PXDN: variants seen among roughly 807,000 people sequenced by gnomAD.
The protein encoded by PXDN is peroxidasin homolog.
A neutral mutation model predicts 140.3 loss-of-function variants in PXDN; 77 were observed. That is an observed-to-expected ratio of 0.55 (90% CI 0.46 to 0.66). PXDN has a LOEUF of 0.66. Among genes scored for constraint, PXDN ranks in the 30% least tolerant of loss-of-function variants. The probability of loss-of-function intolerance (pLI) is 0.00; values close to 1 mark genes in which losing one functional copy is unlikely to be tolerated. For missense variants in PXDN, 1,838 were observed against 2,039.5 expected (o/e 0.90, Z 1.90); for synonymous variants, 911 against 857.4 (o/e 1.06, Z -1.09).
In PXDN at chr2:1,644,685, T is replaced by C. The variant is rs760479940; in HGVS notation, c.3676A>G (p.Ser1226Gly). Reference protein sequence around the residue: ...ALVVEDLVPGSRLGPTLMCLL... With the variant: ...ALVVEDLVPGGRLGPTLMCLL... ...CACATCAGGGTGGGGCCCAGCCGGC[T>C]GCCAGGCACCAGGTCCTCCACCACG... Residue 1226 changes from serine to glycine, a missense_variant, in exon 18 of 23, where the codon AGC (serine) becomes GGC (glycine). Ser to Gly is a moderately conservative substitution (Grantham distance 56, BLOSUM62 0). This residue lies in a region of PXDN where 850 missense variants were observed against 894.1 expected (regional missense o/e 0.95). Transcript: ENST00000252804. The C allele has an allele frequency of 1.9e-6, 3 of 1,605,442 alleles. No individual in the cohort carries two copies. The highest frequency in any genetic ancestry group is 2.2e-5 in the South Asian group (2 of 89,904).
At chr2:1,684,760 A>T (rs1684010467) in intron 4 of PXDN, among the ~76,000 whole-genome samples, 1 of 152,162 alleles carries the variant, frequency 6.6e-6, no homozygotes, top group South Asian at 2.1e-4. Context: ...ATTTCTTTCC[A>T]TTTACCATAC....
At chr2:1,686,035 C>G (rs967913312) in intron 4 of PXDN, among the ~76,000 whole-genome samples, 4 of 152,206 alleles carry the variant, frequency 2.6e-5, no homozygotes, top group Non-Finnish European at 5.9e-5. Flanking sequence ...GCATTCCGGT[C>G]TCCCAGTGTC....
intron 12 of PXDN, among the ~76,000 whole-genome samples, chr2:1,662,931 G>A (rs998400812): frequency 3.3e-5 from 5 of 152,180 alleles, no homozygotes; most frequent in African/African-American, 9.7e-5. Context: ...CAGGGTCTGT[G>A]GCAACCTGGA....
chr2:1,682,030 C>T (rs1418419064), intron 6 of PXDN, among the ~76,000 whole-genome samples: 1 of 152,212 alleles, frequency 6.6e-6, no homozygotes, highest in Non-Finnish European at 1.5e-5. Context: ...ACAGCGTGTT[C>T]TCTTGATGCA....
chr2:1,708,738 C>T (rs1224068928), intron 1 of PXDN, among the ~76,000 whole-genome samples: 5 of 152,140 alleles, frequency 3.3e-5, no homozygotes, highest in African/African-American at 4.8e-5. Flanking sequence ...GCACTGGGCA[C>T]GCCCAGTTCA....
At chr2:1,726,660 C>T (rs895116766) in intron 1 of PXDN, among the ~76,000 whole-genome samples, 2 of 152,114 alleles carry the variant, frequency 1.3e-5, no homozygotes, top group Non-Finnish European at 2.9e-5. Flanking sequence ...GTTTGTTTTA[C>T]TGAGCTGTAT....
chr2:1,713,737 C>T (rs556212829), intron 1 of PXDN, among the ~76,000 whole-genome samples: 3 of 152,348 alleles, frequency 2.0e-5, no homozygotes, highest in Admixed American at 1.3e-4. Flanking sequence ...GACTGAGGGG[C>T]GCACCTGAGG....
intron 1 of PXDN, among the ~76,000 whole-genome samples, chr2:1,716,440 G>GGAAA (rs1194737733): frequency 1.7e-5 from 1 of 58,196 alleles, no homozygotes; most frequent in Non-Finnish European, 3.4e-5. Context: ...TCCATCTCAG[G>GGAAA]AAAAAAAAAA....
intron 14 of PXDN, among the ~76,000 whole-genome samples, chr2:1,658,052 C>G (rs1683196627): frequency 7.8e-6 from 1 of 127,852 alleles, no homozygotes; most frequent in Admixed American, 7.8e-5. Flanking sequence ...CTCTCTCTCT[C>G]TCTCTCTCTC....
rs762801227 is a variant in PXDN, at chr2:1,649,400, T to C, written c.2380A>G (p.Met794Val). ...HRLYNGHALP[M>V]PRLVSTTLIG... The stretch of plus-strand genomic sequence containing the variant: ...AGGGTGGTGGACACCAGGCGCGGCA[T>C]GGGAAGGGCGTGCCCGTTGTACAGT... The change falls in exon 17 of 23, where the codon ATG becomes GTG. Residue 794 changes from methionine (M) to valine (V), a missense_variant. Physicochemically the swap from Met to Val is conservative, Grantham distance 21 (BLOSUM62 1). Transcript: ENST00000252804. The surrounding 1 kb of genome is among the most constrained non-coding windows in gnomAD (Gnocchi z 7.1). The C allele has an allele frequency of 5.6e-6, 9 of 1,613,690 alleles. No homozygotes were observed. The African/African-American group carries it at 1.2e-4, about 22-fold the overall frequency.
intron 1 of PXDN, among the ~76,000 whole-genome samples, chr2:1,701,394 C>T (rs977398421): frequency 3.3e-5 from 5 of 152,208 alleles, no homozygotes; most frequent in Admixed American, 1.3e-4. Flanking sequence ...CTGAGCCACT[C>T]GTGCAGGCGG....
chr2:1,639,691 G>C lies in PXDN; in HGVS notation c.3953-269C>G, dbSNP rs1230584404. ...TGGGCACACTGAGGAGGCTCACCACGCCATCTAACCACACCCTCGCGGAGT... is the reference window on the plus strand; with the variant it reads ...TGGGCACACTGAGGAGGCTCACCACCCCATCTAACCACACCCTCGCGGAGT... On this transcript the variant is annotated intron_variant, in intron 19 of 22. Transcript: ENST00000252804. The surrounding 1 kb of genome is among the most constrained non-coding windows in gnomAD (Gnocchi z 5.0). Among the ~76,000 whole-genome samples, 1 of 152,146 alleles carries C rather than the reference G, an allele frequency of 6.6e-6. No individual in the cohort carries two copies. Among genetic ancestry groups the C allele is most frequent in the Non-Finnish European group, 1.5e-5 (1 of 68,018 alleles).
intron 14 of PXDN, among the ~76,000 whole-genome samples, chr2:1,659,586 G>A (rs975418670): frequency 1.3e-5 from 2 of 152,108 alleles, no homozygotes; most frequent in Admixed American, 6.5e-5. Context: ...TTTGGGGGAT[G>A]GAATTACGGG....
At chr2:1,726,478 T>C (rs933625010) in intron 1 of PXDN, among the ~76,000 whole-genome samples, 1 of 151,212 alleles carries the variant, frequency 6.6e-6, no homozygotes, top group Non-Finnish European at 1.5e-5. Context: ...TACCTAATGC[T>C]AAATGACGAG....
intron 14 of PXDN, among the ~76,000 whole-genome samples, chr2:1,657,138 CCTGACTGGGGGGGGACCTGCCTCCTA>C (rs1310993192): frequency 9.4e-5 from 14 of 149,500 alleles, no homozygotes; most frequent in South Asian, 4.3e-4. Context: ...ACTTACCCCT[CCTGACTGGGGGGGGACCTGCCTCCTA>C]CTGACTGGGG....
intron 19 of PXDN, among the ~76,000 whole-genome samples, chr2:1,640,655 CAG>C (rs967616391): frequency 1.3e-5 from 2 of 152,216 alleles, no homozygotes; most frequent in African/African-American, 4.8e-5. Flanking sequence ...CAGAGAAGAG[CAG>C]AGTTTCTTAA....
intron 21 of PXDN, 52 bp downstream of exon 21, chr2:1,638,794 G>A (rs1682638389): frequency 6.2e-7 from 1 of 1,611,632 alleles, no homozygotes; most frequent in African/African-American, 1.3e-5. Flanking sequence ...GGGCAGGGCT[G>A]TGCTGCTGTG....
At position 1,660,608 on chromosome 2, in the gene PXDN, C is replaced by A. The variant is rs889427380; in HGVS notation, c.1837+273G>T. ...AGCAAAGCTCTGCCCAGTGGATGGGCTGCAGGGTAAGACATTGCCCAGTGG... is the reference window on the plus strand; with the variant it reads ...AGCAAAGCTCTGCCCAGTGGATGGGATGCAGGGTAAGACATTGCCCAGTGG... On this transcript the variant is annotated intron_variant, in intron 14 of 22. Transcript: ENST00000252804. This position sits in a 1 kb window ranked among gnomAD's most constrained non-coding sequence, Gnocchi z 4.6. Among the ~76,000 whole-genome samples the A allele has an allele frequency of 9.9e-5, 15 of 152,202 alleles. No individual in the cohort carries two copies. The highest frequency in any genetic ancestry group is 1.9e-4 in the Non-Finnish European group (13 of 68,024).
Position 1,654,518 on chromosome 2 carries a change from T to C in PXDN, c.1838-10A>G, listed in dbSNP as rs149131855. 13 of 1,592,500 alleles carry C rather than the reference T, an allele frequency of 8.2e-6. No individual in the cohort carries two copies. In the African/African-American group the frequency reaches 1.2e-4, roughly 15 times the overall value. ...CGACTGACGTCAGGAACTAGGAAAA[T>C]ACAAAGTCGCGTATTACCAGGAAAA... On this transcript the variant is annotated splice_polypyrimidine_tract_variant and intron_variant, in intron 14 of 22. Coordinates refer to ENST00000252804, the MANE Select transcript of PXDN (RefSeq NM_012293.3).
Sources: gnomAD v4.1 joint callset for allele counts (sites outside exome capture counted in the v4.1 genomes callset) on GRCh38, gnomAD v4.1.1 for gene constraint, gnomAD v4.1.1 regional missense constraint, Gnocchi (gnomAD v3.1) non-coding constraint, MANE v1.5 for transcripts, NCBI Gene and HGNC (gene_info 2026-07-23, HGNC 2026-07-21) for gene names.